The following OR1J2 variants were observed in gnomAD, a reference collection of about 807,000 sequenced individuals.
The protein encoded by OR1J2 is olfactory receptor 1J2.
For missense variants in OR1J2, 304 were observed against 246.1 expected (o/e 1.24, Z -1.57); for synonymous variants, 142 against 99.7 (o/e 1.42, Z -2.52).
At chr9:122,523,807 G>A in the OR1J2 span, among the ~76,000 whole-genome samples, 1 of 152,162 alleles carries the variant, frequency 6.6e-6, no homozygotes, top group Non-Finnish European at 1.5e-5. Context: ...AATGGGTTCT[G>A]AGCAAGAAGA....
upstream of OR1J2, among the ~76,000 whole-genome samples, chr9:122,509,021 C>A (rs574553955): frequency 6.6e-6 from 1 of 152,186 alleles, no homozygotes; most frequent in Admixed American, 6.5e-5. Flanking sequence ...TCTTCGAATA[C>A]GTCTCTGATT....
the OR1J2 span, chr9:122,478,039 G>C: frequency 0.018 from 13,034 of 719,588 alleles, 199 homozygotes; most frequent in East Asian, 0.07. Flanking sequence ...TTGACTTAGA[G>C]AATGTCTTCA....
At chr9:122,550,569 T>C in the OR1J2 span, among the ~76,000 whole-genome samples, 1,423 of 152,090 alleles carry the variant, frequency 9.4e-3, 22 homozygotes, top group African/African-American at 0.033. Context: ...GGGTTTTTTT[T>C]TTGAGGAATA....
At chr9:122,569,561 T>C in the OR1J2 span, among the ~76,000 whole-genome samples, 5 of 152,346 alleles carry the variant, frequency 3.3e-5, no homozygotes, top group Middle Eastern at 3.4e-3. Flanking sequence ...CATAGAGATT[T>C]TCAAGCATTT....
At chr9:122,495,988 GC>G in the OR1J2 span, among the ~76,000 whole-genome samples, 1 of 152,148 alleles carries the variant, frequency 6.6e-6, no homozygotes, top group Non-Finnish European at 1.5e-5. Context: ...GAGCTACCAG[GC>G]CCTGGGATGG....
chr9:122,518,803 G>T, the OR1J2 span, among the ~76,000 whole-genome samples: 1 of 152,218 alleles, frequency 6.6e-6, no homozygotes, highest in Non-Finnish European at 1.5e-5. Flanking sequence ...TGACTAGCCT[G>T]ATGATTGTTT....
chr9:122,459,561 A>G, the OR1J2 span, among the ~76,000 whole-genome samples: 2 of 152,146 alleles, frequency 1.3e-5, no homozygotes, highest in Admixed American at 6.5e-5. Flanking sequence ...TTTTTAACCA[A>G]TAAAAGCTTC....
At chr9:122,571,325 G>A in the OR1J2 span, among the ~76,000 whole-genome samples, 10 of 151,942 alleles carry the variant, frequency 6.6e-5, no homozygotes, top group African/African-American at 2.2e-4. Context: ...GCTGAGGCAG[G>A]CGGATCACAA....
At chr9:122,546,234 G>C in the OR1J2 span, among the ~76,000 whole-genome samples, 2 of 152,180 alleles carry the variant, frequency 1.3e-5, no homozygotes, top group Non-Finnish European at 2.9e-5. Flanking sequence ...TGGGAGGAAA[G>C]TAAATAATTT....
chr9:122,483,622 G>A, the OR1J2 span, among the ~76,000 whole-genome samples: 27 of 152,284 alleles, frequency 1.8e-4, no homozygotes, highest in African/African-American at 6.5e-4. Context: ...TCTTTGTAGT[G>A]GTTAACCCTA....
At chr9:122,482,479 A>G in the OR1J2 span, among the ~76,000 whole-genome samples, 1 of 152,312 alleles carries the variant, frequency 6.6e-6, no homozygotes, top group Non-Finnish European at 1.5e-5. Context: ...CAAAAAATTA[A>G]ATAGAACTAC....
chr9:122,497,340 A>G, the OR1J2 span, among the ~76,000 whole-genome samples: 1,641 of 152,262 alleles, frequency 0.011, 27 homozygotes, highest in Non-Finnish European at 0.011. Flanking sequence ...CCTATCTACC[A>G]TCTTCCTCCC....
At chr9:122,513,526 ATTT>A (rs11448781), downstream of OR1J2, among the ~76,000 whole-genome samples, 2 of 148,490 alleles carry the variant, frequency 1.3e-5, no homozygotes, top group African/African-American at 4.9e-5. Context: ...TTTCACAAGC[ATTT>A]TTTTTTTTTA....
chr9:122,544,079 TC>T, the OR1J2 span, among the ~76,000 whole-genome samples: 2 of 152,350 alleles, frequency 1.3e-5, no homozygotes, highest in African/African-American at 4.8e-5. Flanking sequence ...ATGGAATCTT[TC>T]TACAATGTAT....
At chr9:122,463,994 T>C in the OR1J2 span, among the ~76,000 whole-genome samples, 2 of 152,158 alleles carry the variant, frequency 1.3e-5, no homozygotes, top group African/African-American at 4.8e-5. Context: ...GGTGGGGCCA[T>C]AGGGCTCTCA....
the OR1J2 span, among the ~76,000 whole-genome samples, chr9:122,521,803 T>C: frequency 6.6e-6 from 1 of 152,214 alleles, no homozygotes; most frequent in Non-Finnish European, 1.5e-5. Context: ...GTTCTGTTGT[T>C]CAGATCCCTG....
downstream of OR1J2, among the ~76,000 whole-genome samples, chr9:122,515,093 C>T (rs1018410476): frequency 6.6e-6 from 1 of 152,280 alleles, no homozygotes; most frequent in Admixed American, 6.5e-5. Context: ...GCTTTGTGCC[C>T]TGTCCCCTTG....
At chr9:122,496,578 A>G in the OR1J2 span, among the ~76,000 whole-genome samples, 5 of 152,154 alleles carry the variant, frequency 3.3e-5, no homozygotes, top group Admixed American at 1.3e-4. Flanking sequence ...ACACAGCCTC[A>G]GGTAGTTCTG....
At chr9:122,498,695 A>G in the OR1J2 span, among the ~76,000 whole-genome samples, 1 of 152,138 alleles carries the variant, frequency 6.6e-6, no homozygotes, top group Non-Finnish European at 1.5e-5. Flanking sequence ...GTGTCACTAC[A>G]TTCAGATTTT....
Sources: gnomAD v4.1 joint callset for allele counts (sites outside exome capture counted in the v4.1 genomes callset) on GRCh38, gnomAD v4.1.1 for gene constraint, MANE v1.5 for transcripts, NCBI Gene and HGNC (gene_info 2026-07-23, HGNC 2026-07-21) for gene names.